FOXJ3: variants seen among roughly 807,000 people sequenced by gnomAD.
The protein encoded by FOXJ3 is forkhead box J3.
FOXJ3 carries 22 observed loss-of-function variants against 76.1 expected under a neutral mutation model. The ratio of observed to expected loss-of-function variants is 0.29; its 90% CI spans 0.21 to 0.41. The LOEUF is 0.41. Among genes scored for constraint, FOXJ3 ranks in the 10% least tolerant of loss-of-function variants. The pLI is 1.00. For synonymous variants in FOXJ3, 269 were observed against 261.2 expected, an observed-to-expected ratio of 1.03 and a Z score of -0.29; for missense variants, 613 against 762.1, an observed-to-expected ratio of 0.80 and a Z score of 2.30.
rs148387179 is a variant in FOXJ3, at chr1:42,197,336, G to C, written c.759+1766C>G. ...TTTGGCCCACTTAGCAAGATCTTGT[G>C]TCTAAAAAAAGAGAGAAAAAAAGGG... On this transcript the variant is annotated intron_variant, in intron 7 of 12. Transcript: ENST00000361346. Among the ~76,000 whole-genome samples the C allele has an allele frequency of 1.2e-4, 18 of 151,754 alleles. 1 individual carries two copies. In the East Asian group the frequency reaches 3.5e-3, roughly 29 times the overall value.
At chr1:42,189,238 T>C in intron 10 of FOXJ3, 65 bp downstream of exon 10, 1 of 1,011,282 alleles carries the variant, frequency 9.9e-7, no homozygotes, top group Non-Finnish European at 1.5e-6. Flanking sequence ...CAAAGAAAGT[T>C]ATAATCTAGC....
intron 5 of FOXJ3, among the ~76,000 whole-genome samples, chr1:42,222,182 T>C (rs1647237659): frequency 6.6e-6 from 1 of 151,946 alleles, no homozygotes; most frequent in Non-Finnish European, 1.5e-5. Context: ...CTGACCTGTC[T>C]TGCGCTTTGA....
chr1:42,325,484 T>C (rs953731817), intron 1 of FOXJ3, among the ~76,000 whole-genome samples: 1 of 152,214 alleles, frequency 6.6e-6, no homozygotes, highest in African/African-American at 2.4e-5. Flanking sequence ...GCAGGGACCC[T>C]GCCTTAGTCG....
At chr1:42,253,581 A>AACCAAAACAGCATGGTACTGGT (rs1650296725) in intron 4 of FOXJ3, among the ~76,000 whole-genome samples, 1 of 151,114 alleles carries the variant, frequency 6.6e-6, no homozygotes, top group Admixed American at 6.6e-5. Context: ...AGGCTACAGT[A>AACCAAAACAGCATGGTACTGGT]ACCAAAACAG....
intron 4 of FOXJ3, among the ~76,000 whole-genome samples, chr1:42,250,359 T>C (rs1649925242): frequency 6.6e-6 from 1 of 152,188 alleles, no homozygotes; most frequent in Non-Finnish European, 1.5e-5. Flanking sequence ...TAATACGTCA[T>C]ACCCTCTTAA....
intron 4 of FOXJ3, among the ~76,000 whole-genome samples, chr1:42,258,411 T>C (rs976529401): frequency 1.3e-5 from 2 of 152,208 alleles, no homozygotes; most frequent in East Asian, 1.9e-4. Context: ...TAGTTAAGAA[T>C]AGCACCACTT....
chr1:42,196,596 G>A (rs1286485204), intron 7 of FOXJ3, among the ~76,000 whole-genome samples: 1 of 152,212 alleles, frequency 6.6e-6, no homozygotes, highest in East Asian at 1.9e-4. Context: ...GAGAGGCTGA[G>A]GCAAGAGAAT....
intron 4 of FOXJ3, among the ~76,000 whole-genome samples, chr1:42,257,721 G>C (rs1465071351): frequency 1.5e-5 from 2 of 131,390 alleles, no homozygotes; most frequent in Non-Finnish European, 3.2e-5. Context: ...CTGGGTGATG[G>C]AGTGAGACTC....
intron 4 of FOXJ3, among the ~76,000 whole-genome samples, chr1:42,238,475 A>G (rs1648875991): frequency 6.6e-6 from 1 of 152,216 alleles, no homozygotes. Context: ...GTTTTTTCCA[A>G]CATTATTTTG....
intron 2 of FOXJ3, among the ~76,000 whole-genome samples, chr1:42,286,392 T>C (rs1261335763): frequency 1.3e-5 from 2 of 152,322 alleles, no homozygotes; most frequent in Non-Finnish European, 1.5e-5. Flanking sequence ...CAAGACTGCC[T>C]GGATTGGAAT....
intron 1 of FOXJ3, among the ~76,000 whole-genome samples, chr1:42,314,532 G>A (rs1464940512): frequency 2.0e-5 from 3 of 152,174 alleles, no homozygotes; most frequent in Non-Finnish European, 4.4e-5. Flanking sequence ...GATTACAGGC[G>A]TGAGGCACCA....
intron 4 of FOXJ3, among the ~76,000 whole-genome samples, chr1:42,263,640 C>G (rs1651232647): frequency 6.6e-6 from 1 of 152,056 alleles, no homozygotes; most frequent in Non-Finnish European, 1.5e-5. Context: ...ACGGAGCAGA[C>G]AGATGATAAA....
chr1:42,223,039 T>A (rs1557650604), intron 5 of FOXJ3, among the ~76,000 whole-genome samples: 1 of 152,172 alleles, frequency 6.6e-6, no homozygotes, highest in Non-Finnish European at 1.5e-5. Flanking sequence ...TTTACCCTTG[T>A]CCTAAAATTA....
intron 4 of FOXJ3, among the ~76,000 whole-genome samples, chr1:42,231,540 C>T (rs1040288047): frequency 6.6e-6 from 1 of 151,850 alleles, no homozygotes. Context: ...AAAACGTTCT[C>T]GAGATGGATG....
At chr1:42,213,303 T>A (rs1647003339) in intron 5 of FOXJ3, among the ~76,000 whole-genome samples, 1 of 151,824 alleles carries the variant, frequency 6.6e-6, no homozygotes, top group Admixed American at 6.6e-5. Flanking sequence ...TTAAAAAAAA[T>A]CACAAACCAA....
chr1:42,270,773 T>G (rs1425194588), intron 3 of FOXJ3, among the ~76,000 whole-genome samples: 1 of 152,222 alleles, frequency 6.6e-6, no homozygotes, highest in Non-Finnish European at 1.5e-5. Flanking sequence ...TAATGCAGAT[T>G]CCTAGGCTCT....
chr1:42,282,209 A>G (rs1160844772), intron 2 of FOXJ3, among the ~76,000 whole-genome samples: 2 of 152,154 alleles, frequency 1.3e-5, no homozygotes, highest in Non-Finnish European at 2.9e-5. Context: ...TCTGGTTAAG[A>G]AATGTCAGGC....
intron 4 of FOXJ3, among the ~76,000 whole-genome samples, chr1:42,251,183 C>T (rs1056968164): frequency 2.6e-5 from 4 of 151,928 alleles, no homozygotes; most frequent in Non-Finnish European, 4.4e-5. Context: ...CTGAAAGCTA[C>T]CAAAAGTGAC....
intron 2 of FOXJ3, among the ~76,000 whole-genome samples, chr1:42,306,824 C>T (rs984571694): frequency 2.0e-5 from 3 of 152,170 alleles, no homozygotes; most frequent in African/African-American, 4.8e-5. Context: ...CAGTACTCTA[C>T]TAAATCTCAT....
Sources: gnomAD v4.1 joint callset for allele counts (sites outside exome capture counted in the v4.1 genomes callset) on GRCh38, gnomAD v4.1.1 for gene constraint, MANE v1.5 for transcripts, NCBI Gene and HGNC (gene_info 2026-07-23, HGNC 2026-07-21) for gene names.